NMI: variants seen among roughly 807,000 people sequenced by gnomAD.
NMI encodes the protein N-myc and STAT interactor, also known as N-myc-interactor.
In NMI, 39 loss-of-function variants were observed where a neutral mutation model predicts 34.3. The ratio of observed to expected loss-of-function variants is 1.14; its 90% CI spans 0.88 to 1.49. The LOEUF (loss-of-function observed/expected upper bound fraction) is 1.49, where lower values mean the gene tolerates loss of function less well. NMI is among the 40% of genes most tolerant of loss of function. NMI has a pLI of 0.00. For synonymous variants in NMI, 113 were observed against 120.3 expected, an observed-to-expected ratio of 0.94 and a Z score of 0.40; for missense variants, 339 against 358.1, an observed-to-expected ratio of 0.95 and a Z score of 0.43.
chr2:151,284,793 T>C (rs544862928), intron 1 of NMI, among the ~76,000 whole-genome samples: 1 of 152,200 alleles, frequency 6.6e-6, no homozygotes, highest in Non-Finnish European at 1.5e-5. Flanking sequence ...GTCTGCCATA[T>C]AATTTTCCAA....
At chr2:151,289,178 G>C (rs1246012888) in intron 1 of NMI, 1 of 146,842 alleles carries the variant, frequency 6.8e-6, no homozygotes, top group African/African-American at 2.6e-5. Context: ...GCGTGAACCC[G>C]GGAGGCGGAG....
rs774572077 is a variant in NMI at position 151,271,702 on chromosome 2, T to C, written c.665A>G (p.Tyr222Cys). 2 of 1,572,128 alleles carry C rather than the reference T, an allele frequency of 1.3e-6. No individual in the cohort carries two copies. Among genetic ancestry groups the C allele is most frequent in the Non-Finnish European group, 1.7e-6 (2 of 1,146,866 alleles). The change falls in exon 7 of 8, where the codon TAC (tyrosine) becomes TGC (cysteine). Residue 222 changes from tyrosine to cysteine, a missense_variant. By Grantham distance (194) the Tyr-to-Cys change is radical. Transcript: ENST00000243346. ...GCAGGTTTGATTTATATAAAGAGGG[T>C]ATTCTTTCTTTTTCAAAATCTTGTC... ...VADKILKKKE[Y>C]PLYINQTCHR... is the part of the protein sequence containing the mutation.
intron 4 of NMI, chr2:151,278,149 C>A (rs899503062): frequency 6.6e-6 from 1 of 152,154 alleles, no homozygotes; most frequent in African/African-American, 2.4e-5. Flanking sequence ...GTAGGTACTA[C>A]CATGAAGCAC....
chr2:151,285,235 A>G (rs1683472954), intron 1 of NMI, among the ~76,000 whole-genome samples: 1 of 152,242 alleles, frequency 6.6e-6, no homozygotes, highest in African/African-American at 2.4e-5. Flanking sequence ...AATAGGAGCC[A>G]AGTTTTTCAC....
chr2:151,286,597 G>C (rs557863543), intron 1 of NMI, among the ~76,000 whole-genome samples: 1 of 146,928 alleles, frequency 6.8e-6, no homozygotes, highest in Non-Finnish European at 1.5e-5. Flanking sequence ...CTAAATGTGG[G>C]ACCTGCCAGA....
chr2:151,277,488 G>A (rs1683310627), intron 4 of NMI: 1 of 152,172 alleles, frequency 6.6e-6, no homozygotes, highest in Non-Finnish European at 1.5e-5. Context: ...TGGGAGCTCA[G>A]AGCCACGTCA....
chr2:151,275,457 CT>C (rs758779567), intron 6 of NMI, 26 bp downstream of exon 6: 6 of 1,593,850 alleles, frequency 3.8e-6, no homozygotes, highest in Non-Finnish European at 5.2e-6. Context: ...GGCAGAGTGT[CT>C]GTTAACCTTC....
Position 151,275,854 on chromosome 2 carries a change from A to G in NMI, c.351T>C (p.Asn117=). Residue 117 remains asparagine, a synonymous_variant, in exon 5 of 8, where the codon AAT becomes AAC. Transcript: ENST00000243346. The part of the protein sequence containing the change: ...ITFEKEEVAQ[N]VVSMSKHHVQ... ...CATGATGTTTACTCATGCTTACCAC[A>G]TTTTGAGCAACTGAAAAATAATTCA... The G allele has an allele frequency of 6.3e-7, 1 of 1,579,278 alleles. No individual in the cohort carries two copies.
In NMI at chr2:151,282,964, T is replaced by TA. The variant is rs761414563; in HGVS notation, c.-6-11dup. On this transcript the variant is annotated splice_polypyrimidine_tract_variant and intron_variant, in intron 1 of 7. Transcript: ENST00000243346. ...CAGCTTCCATGATCCCCTAATATTA[T>TA]AAAAAATAAATATTATAAGCATAGC... is the stretch of plus-strand genomic sequence containing the variant. 1.6e-5 allele frequency: 22 copies of TA among 1,363,536 alleles called. No homozygotes were observed. In the African/African-American group the frequency reaches 2.8e-4, roughly 17 times the overall value. 84.5% of individuals were successfully genotyped at this position (1,363,536 alleles called of 1,614,324 possible). A position where few individuals can be genotyped will look rare whatever the true frequency, so the allele number is the denominator to read the frequency against.
At chr2:151,275,443 A>T in intron 6 of NMI, 41 bp downstream of exon 6, 3 of 1,543,438 alleles carry the variant, frequency 1.9e-6, no homozygotes, top group Non-Finnish European at 2.7e-6. Context: ...AACATGACTG[A>T]AATGGCAGAG....
intron 6 of NMI, among the ~76,000 whole-genome samples, chr2:151,273,547 G>A (rs542122615): frequency 5.3e-5 from 8 of 152,096 alleles, no homozygotes; most frequent in African/African-American, 1.9e-4. Flanking sequence ...TTTTGAGACC[G>A]AGTCTCACTC....
rs150664393 is a variant in NMI at position 151,270,705 on chromosome 2, G to T, written c.912C>A (p.Tyr304Ter). The change falls in exon 8 of 8, where the codon TAC becomes TAA. Residue 304 changes from tyrosine to a stop codon, truncating the protein, a stop_gained. Coordinates refer to ENST00000243346, the MANE Select transcript of NMI (RefSeq NM_004688.3). LOFTEE classifies it high-confidence loss of function. ...KCSLGQPHIA[Y>*]FEE The stretch of plus-strand genomic sequence containing the variant: ...GATTCTGTTAAGTCTATTCTTCAAA[G>T]TATGCTATGTGAGGTTGACCTAGAG... 728 of 1,612,662 alleles carry T rather than the reference G, an allele frequency of 4.5e-4. 1 individual carries two copies. Among genetic ancestry groups the T allele is most frequent in the Non-Finnish European group, 5.2e-4 (608 of 1,179,116 alleles).
Position 151,281,754 on chromosome 2 carries a change from T to C in NMI, c.177+194A>G, listed in dbSNP as rs144946756. Among the ~76,000 whole-genome samples the C allele has an allele frequency of 4.0e-4, 61 of 152,370 alleles. 2 individuals carry two copies. Among genetic ancestry groups the C allele is most frequent in the African/African-American group, 1.4e-3 (60 of 41,588 alleles). ...CATTGCTGTGTAGTTTTCTATCATA[T>C]GACTATACCCCAATTCACTAATTCG... On this transcript the variant is annotated intron_variant, in intron 3 of 7. Coordinates refer to ENST00000243346, the MANE Select transcript of NMI (RefSeq NM_004688.3).
rs1228025979 is a variant in NMI, at chr2:151,278,941, GT to G, written c.226del (p.Thr76LeufsTer17). 1 of 1,610,936 alleles carries G rather than the reference GT, an allele frequency of 6.2e-7. No individual in the cohort carries two copies. On this transcript the variant is annotated frameshift_variant, in exon 4 of 8. Coordinates refer to ENST00000243346, the MANE Select transcript of NMI (RefSeq NM_004688.3). LOFTEE classifies it high-confidence loss of function. The stretch of plus-strand genomic sequence containing the variant: ...TGACAACTGGCTGTCATTCTCAGGA[GT>G]TTCAACTGATAAGAATTTCATCTTT... ...ETKMKFLSVE[T>X]PENDSQLSNI...
intron 4 of NMI, among the ~76,000 whole-genome samples, chr2:151,276,686 G>A (rs935299934): frequency 6.6e-6 from 1 of 152,090 alleles, no homozygotes; most frequent in Non-Finnish European, 1.5e-5. Context: ...TCCTTAATAT[G>A]TTACAAGCAC....
rs967286545 is a variant in NMI at position 151,289,587 on chromosome 2, A to G, written c.-7+6T>C. 6.6e-6 allele frequency: 1 copy of G among 151,642 alleles called. No homozygotes were observed. Among genetic ancestry groups the G allele is most frequent in the African/African-American group, 2.4e-5 (1 of 41,314 alleles). The allele number at this position is 151,642 out of a possible 1,614,324, so 9.4% of individuals were successfully genotyped here. A position where few individuals can be genotyped will look rare whatever the true frequency, so the allele number is the denominator to read the frequency against. On this transcript the variant is annotated splice_donor_region_variant and intron_variant, in intron 1 of 7. Transcript: ENST00000243346. The stretch of plus-strand genomic sequence containing the variant: ...GTGGCAGCCGGGGAAGGGACTCCCC[A>G]CTCACCCGCGTCCGCCCGCCGAGCG...
At chr2:151,274,746 G>A (rs1223559706) in intron 6 of NMI, among the ~76,000 whole-genome samples, 1 of 151,890 alleles carries the variant, frequency 6.6e-6, no homozygotes, top group Non-Finnish European at 1.5e-5. Context: ...AAAGTGCTGG[G>A]ATTACAGGCA....
At chr2:151,276,327 G>C (rs1051230960) in intron 4 of NMI, among the ~76,000 whole-genome samples, 1 of 152,102 alleles carries the variant, frequency 6.6e-6, no homozygotes, top group South Asian at 2.1e-4. Flanking sequence ...CAAAGTTCTG[G>C]TATTATCAGG....
chr2:151,285,945 A>G (rs1291526409), intron 1 of NMI, among the ~76,000 whole-genome samples: 3 of 152,234 alleles, frequency 2.0e-5, no homozygotes, highest in Admixed American at 2.0e-4. Flanking sequence ...GATAAATTAA[A>G]GATTAAAATA....
Sources: allele counts gnomAD v4.1 joint callset (sites outside exome capture counted in the v4.1 genomes callset), GRCh38; gene constraint gnomAD v4.1.1; transcripts MANE v1.5; gene names NCBI Gene and HGNC (gene_info 2026-07-23, HGNC 2026-07-21).